The following GALNTL6 variants were observed in gnomAD, a reference collection of about 807,000 sequenced individuals.
The protein encoded by GALNTL6 is polypeptide N-acetylgalactosaminyltransferase-like 6.
In GALNTL6, 46 loss-of-function variants were observed where a neutral mutation model predicts 73.7. The observed-to-expected ratio is 0.62, with a 90% CI of 0.49 to 0.80. The LOEUF (loss-of-function observed/expected upper bound fraction) is 0.80, where lower values mean the gene tolerates loss of function less well. GALNTL6 is among the 30% of genes least tolerant of loss of function. GALNTL6 has a pLI of 0.00. For synonymous variants in GALNTL6, 259 were observed against 263.7 expected, an observed-to-expected ratio of 0.98 and a Z score of 0.17; for missense variants, 604 against 755.0, an observed-to-expected ratio of 0.80 and a Z score of 2.34.
intron 5 of GALNTL6, among the ~76,000 whole-genome samples, chr4:172,496,431 T>C (rs1252970393): frequency 6.6e-6 from 1 of 152,184 alleles, no homozygotes; most frequent in Non-Finnish European, 1.5e-5. Flanking sequence ...GGCTCACGCC[T>C]GTAATCCCAG....
At chr4:172,124,624 T>C (rs1269579796) in intron 2 of GALNTL6, among the ~76,000 whole-genome samples, 1 of 152,164 alleles carries the variant, frequency 6.6e-6, no homozygotes, top group Non-Finnish European at 1.5e-5. Context: ...GGAAATTATC[T>C]TGATAAAACA....
chr4:172,206,775 GTTTTTTGTTTTGTTTTGTTTT>G (rs1736124145), intron 2 of GALNTL6, among the ~76,000 whole-genome samples: 1 of 79,718 alleles, frequency 1.3e-5, no homozygotes, highest in Non-Finnish European at 2.8e-5. Flanking sequence ...GATGAAACGT[GTTTTTTGTTTTGTTTTGTTTT>G]GTTTTTCTGT....
chr4:172,752,111 A>C (rs1737461985), intron 5 of GALNTL6, among the ~76,000 whole-genome samples: 1 of 152,014 alleles, frequency 6.6e-6, no homozygotes, highest in South Asian at 2.1e-4. Flanking sequence ...AACTTGCCAA[A>C]AACCCTATTG....
chr4:171,823,040 G>C (rs1328549758), intron 2 of GALNTL6, among the ~76,000 whole-genome samples: 1 of 152,028 alleles, frequency 6.6e-6, no homozygotes, highest in Non-Finnish European at 1.5e-5. Context: ...CATGAGCTCT[G>C]GATTTATAGA....
At chr4:172,357,822 C>T (rs1456820910) in intron 5 of GALNTL6, among the ~76,000 whole-genome samples, 5 of 152,028 alleles carry the variant, frequency 3.3e-5, no homozygotes, top group African/African-American at 1.2e-4. Flanking sequence ...ATTTTATATC[C>T]TGAATAAACT....
chr4:171,951,826 A>G (rs540591727), intron 2 of GALNTL6, among the ~76,000 whole-genome samples: 8 of 152,072 alleles, frequency 5.3e-5, no homozygotes, highest in Non-Finnish European at 1.0e-4. Flanking sequence ...AACTTTAATA[A>G]CATATCAAAA....
intron 8 of GALNTL6, among the ~76,000 whole-genome samples, chr4:172,893,068 G>A (rs1453688974): frequency 6.6e-6 from 1 of 152,172 alleles, no homozygotes; most frequent in Non-Finnish European, 1.5e-5. Context: ...GCAGATGGCT[G>A]TGGGGCCAAG....
intron 7 of GALNTL6, among the ~76,000 whole-genome samples, chr4:172,826,171 A>G (rs898407077): frequency 6.6e-6 from 1 of 152,076 alleles, no homozygotes. Context: ...CAGGTGGCAT[A>G]TGGCTAAGTA....
chr4:172,178,203 T>C (rs927154569), intron 2 of GALNTL6, among the ~76,000 whole-genome samples: 1 of 152,062 alleles, frequency 6.6e-6, no homozygotes, highest in South Asian at 2.1e-4. Flanking sequence ...TTATAAGAAT[T>C]AGAGATAATA....
intron 3 of GALNTL6, among the ~76,000 whole-genome samples, chr4:172,283,186 G>A (rs574641407): frequency 7.8e-4 from 119 of 152,244 alleles, no homozygotes; most frequent in Non-Finnish European, 1.2e-3. Context: ...ACATGAGTGA[G>A]ACAAAGAATT....
chr4:172,058,131 GT>G (rs1731085547), intron 2 of GALNTL6, among the ~76,000 whole-genome samples: 1 of 151,142 alleles, frequency 6.6e-6, no homozygotes, highest in Non-Finnish European at 1.5e-5. Flanking sequence ...GTTTTGTTTT[GT>G]TTTGTTTTGT....
intron 2 of GALNTL6, among the ~76,000 whole-genome samples, chr4:171,862,351 A>G (rs540200383): frequency 3.9e-5 from 6 of 152,264 alleles, no homozygotes; most frequent in Admixed American, 3.9e-4. Flanking sequence ...ATTTGAGATG[A>G]GACTGCAGAA....
chr4:172,033,421 G>T (rs1272991820), intron 2 of GALNTL6, among the ~76,000 whole-genome samples: 4 of 151,824 alleles, frequency 2.6e-5, no homozygotes, highest in African/African-American at 9.7e-5. Context: ...AGTTTCTGTG[G>T]CTTATGTAGT....
chr4:172,326,916 C>G (rs951341729), intron 4 of GALNTL6, among the ~76,000 whole-genome samples: 1 of 151,818 alleles, frequency 6.6e-6, no homozygotes, highest in Non-Finnish European at 1.5e-5. Context: ...TGTTACCTGA[C>G]TTTATTTATA....
intron 2 of GALNTL6, among the ~76,000 whole-genome samples, chr4:172,055,874 T>G (rs1731005911): frequency 6.6e-6 from 1 of 152,136 alleles, no homozygotes; most frequent in Non-Finnish European, 1.5e-5. Flanking sequence ...CACTCAGGGT[T>G]TATTAAGCTT....
At chr4:172,095,886 A>G (rs1420960530) in intron 2 of GALNTL6, among the ~76,000 whole-genome samples, 1 of 151,940 alleles carries the variant, frequency 6.6e-6, no homozygotes, top group Non-Finnish European at 1.5e-5. Flanking sequence ...ATTTAAATTT[A>G]TAATAAAATG....
rs1261502553 is a variant in GALNTL6 at position 172,045,980 on chromosome 4, G to A, written c.139-183676G>A. ...TTATTGTGCCAGCTTATCTCATTTA[G>A]TATAATGTTCTGCAATACCATCCAT... is the stretch of plus-strand genomic sequence containing the variant. On this transcript the variant is annotated intron_variant, in intron 2 of 12. Coordinates refer to ENST00000506823, the MANE Select transcript of GALNTL6 (RefSeq NM_001034845.3). 2.0e-5 allele frequency among the ~76,000 whole-genome samples: 3 copies of A among 152,054 alleles called. No homozygotes were observed. The East Asian group carries it at 5.8e-4, about 29-fold the overall frequency.
intron 5 of GALNTL6, among the ~76,000 whole-genome samples, chr4:172,492,188 G>A (rs1733921472): frequency 6.6e-6 from 1 of 152,014 alleles, no homozygotes; most frequent in South Asian, 2.1e-4. Context: ...TGACTTTTAT[G>A]TAGATCCCCA....
intron 5 of GALNTL6, among the ~76,000 whole-genome samples, chr4:172,538,329 C>T (rs1440500247): frequency 4.6e-5 from 7 of 151,810 alleles, no homozygotes; most frequent in Non-Finnish European, 7.4e-5. Context: ...GGCGTGGTGG[C>T]GGTGCCTGTA....
Sources: allele counts gnomAD v4.1 joint callset (sites outside exome capture counted in the v4.1 genomes callset), GRCh38; gene constraint gnomAD v4.1.1; transcripts MANE v1.5; gene names NCBI Gene and HGNC (gene_info 2026-07-23, HGNC 2026-07-21).